Variants in KIFC3 observed in about 807,000 individuals in gnomAD.
KIFC3 encodes the protein kinesin-like protein KIFC3.
A neutral mutation model predicts 101.8 loss-of-function variants in KIFC3; 60 were observed. That is an observed-to-expected ratio of 0.59 (90% confidence interval 0.48 to 0.73). The LOEUF is 0.73. Ranked by LOEUF, KIFC3 falls within the 30% of genes least tolerant of loss-of-function variation. The pLI, the probability that KIFC3 is intolerant of heterozygous loss-of-function variation, is 0.00. For missense variants in KIFC3, 966 were observed against 1,137.1 expected (o/e 0.85, Z 2.16); for synonymous variants, 476 against 482.7 (o/e 0.99, Z 0.18).
upstream of KIFC3, among the ~76,000 whole-genome samples, chr16:57,807,000 C>T (rs1400452850): frequency 2.0e-5 from 3 of 152,200 alleles, no homozygotes; most frequent in Non-Finnish European, 4.4e-5. Flanking sequence ...GGGCAATCAC[C>T]TGAGGTCAGC....
Position 57,795,004 on chromosome 16 carries a change from G to A in KIFC3, c.310C>T (p.Leu104=). The A allele has an allele frequency of 6.3e-7, 1 of 1,580,866 alleles. No individual in the cohort carries two copies. The highest frequency in any genetic ancestry group is 8.6e-7 in the Non-Finnish European group (1 of 1,169,154). Reference sequence around the variant, plus strand: ...TGGAAGGCCCCAGTGCTTACCTGCAGGGTCAGGTAGAGCCCGTGGGGGCTT... The same window carrying A: ...TGGAAGGCCCCAGTGCTTACCTGCAAGGTCAGGTAGAGCCCGTGGGGGCTT... ...PGSPHGLYLT[L]QVEHLKEKLI... The change falls in exon 3 of 20, where the codon CTG becomes TTG. Residue 104 remains leucine (L), a synonymous_variant. Transcript: ENST00000445690.
intron 1 of KIFC3, among the ~76,000 whole-genome samples, chr16:57,830,917 C>T (rs2055568391): frequency 6.6e-6 from 1 of 152,182 alleles, no homozygotes; most frequent in Non-Finnish European, 1.5e-5. Context: ...TGAGGTCAGC[C>T]TCTTTTTCCC....
At chr16:57,791,491 G>A (rs1304684604) in intron 3 of KIFC3, among the ~76,000 whole-genome samples, 1 of 152,196 alleles carries the variant, frequency 6.6e-6, no homozygotes, top group Non-Finnish European at 1.5e-5. Flanking sequence ...ACAGAGGCTA[G>A]GGAGGGGGTG....
chr16:57,783,188 C>T (rs190223628), intron 3 of KIFC3, among the ~76,000 whole-genome samples: 28 of 152,246 alleles, frequency 1.8e-4, no homozygotes, highest in Admixed American at 3.3e-4. Context: ...TCTTTAAAGT[C>T]ACAAAAGGTT....
rs1170592449 is a variant in KIFC3 at position 57,819,553 on chromosome 16, A to T, written c.109-21271T>A. ...ATTTGTATTTATTTTTTATTTTTTT[A>T]AATTTTATTTATTTATTTATTTATT... On this transcript the variant is annotated intron_variant, in intron 1 of 2. Coordinates refer to the KIFC3 transcript ENST00000563028. 1.1e-4 allele frequency among the ~76,000 whole-genome samples: 17 copies of T among 151,960 alleles called. No individual in the cohort carries two copies. In the East Asian group the frequency reaches 1.9e-3, roughly 17 times the overall value.
intron 1 of KIFC3, chr16:57,813,682 C>T: frequency 5.1e-6 from 5 of 985,300 alleles, no homozygotes; most frequent in Non-Finnish European, 6.0e-6. Context: ...ACCTGGCATC[C>T]TGCGTGTGTC....
intron 1 of KIFC3, among the ~76,000 whole-genome samples, chr16:57,847,203 G>GAAGC (rs2055938857): frequency 5.2e-5 from 2 of 38,394 alleles, no homozygotes; most frequent in African/African-American, 3.7e-4. Flanking sequence ...GGGAAGGAAG[G>GAAGC]AAGGAAGGAA....
rs1555597687 is a variant in KIFC3, at chr16:57,761,533, G to A, written c.1752C>T (p.Asp584=). 18 of 1,612,762 alleles carry A rather than the reference G, an allele frequency of 1.1e-5. No individual in the cohort carries two copies. The highest frequency in any genetic ancestry group is 1.7e-5 in the Admixed American group (1 of 59,978). The change falls in exon 14 of 20, where the codon GAC becomes GAT. Residue 584 remains aspartate (D), a synonymous_variant. Coordinates refer to ENST00000445690, the MANE Select transcript of KIFC3 (RefSeq NM_001130100.2). ...AAEIYNEVLR[D]LLGKEPQEKL... is the part of the protein sequence containing the mutation. ...TTTCCTGAGGCTCTTTCCCTAGCAGGTCCCTGGAGGGGCAGGTGAGACAGT... is the reference window on the plus strand; with the variant it reads ...TTTCCTGAGGCTCTTTCCCTAGCAGATCCCTGGAGGGGCAGGTGAGACAGT...
rs1555597436 is a variant in KIFC3 at position 57,761,402 on chromosome 16, C to T, written c.1872+11G>A. The stretch of plus-strand genomic sequence containing the variant: ...CAGTGTGGCTGTGGTCAGGGGCTCC[C>T]GCCTCCACACCTTGTTGATGTCGTC... On this transcript the variant is annotated intron_variant, in intron 14 of 19. Transcript: ENST00000445690. 3.7e-6 allele frequency: 6 copies of T among 1,613,758 alleles called. No homozygotes were observed. The highest frequency in any genetic ancestry group is 1.1e-5 in the South Asian group (1 of 91,070).
At chr16:57,764,319 G>A in intron 11 of KIFC3, 72 bp from the exon 12 acceptor site, 1 of 859,024 alleles carries the variant, frequency 1.2e-6, no homozygotes. Flanking sequence ...TACAAGTCCA[G>A]CCACCTCCCC....
At chr16:57,832,350 TA>T (rs1567328932) in intron 1 of KIFC3, among the ~76,000 whole-genome samples, 1 of 135,598 alleles carries the variant, frequency 7.4e-6, no homozygotes, top group African/African-American at 3.0e-5. Flanking sequence ...TTTTTTTTTT[TA>T]GACAAAGTCT....
At position 57,795,157 on chromosome 16, in the gene KIFC3, G is replaced by C. The variant is rs2054188366; in HGVS notation, c.173-16C>G. ...TTTCCACGCCCTGTCCCAGGACAGA[G>C]AGATAGGTGAGACACTCCGACCACT... On this transcript the variant is annotated splice_polypyrimidine_tract_variant and intron_variant, in intron 2 of 19. Transcript: ENST00000445690. The C allele has an allele frequency of 2.5e-6, 4 of 1,604,740 alleles. No homozygotes were observed. Among genetic ancestry groups the C allele is most frequent in the Admixed American group, 3.4e-5 (2 of 58,428 alleles).
At chr16:57,828,360 G>T (rs549322487) in intron 1 of KIFC3, among the ~76,000 whole-genome samples, 7 of 152,258 alleles carry the variant, frequency 4.6e-5, no homozygotes, top group Non-Finnish European at 8.8e-5. Context: ...AGGCTGTGCC[G>T]CCATTGAAAC....
At chr16:57,816,484 G>A (rs781998699) in intron 1 of KIFC3, 6 of 457,314 alleles carry the variant, frequency 1.3e-5, no homozygotes, top group African/African-American at 2.0e-5. Flanking sequence ...AGTGACTCAC[G>A]GGCCCTGCTG....
rs138073179 is a variant in KIFC3, at chr16:57,833,607, G to A, written c.108+29122C>T. On this transcript the variant is annotated intron_variant, in intron 1 of 2. Coordinates refer to the KIFC3 transcript ENST00000563028. ...CACAGACTCCCAGGACCCAGAGATC[G>A]GGACTCCCATGGTGTCAGTATCAGA... Among the ~76,000 whole-genome samples, 397 of 152,244 alleles carry A rather than the reference G, an allele frequency of 2.6e-3. 4 individuals are homozygous for A. The highest frequency in any genetic ancestry group is 9.3e-3 in the African/African-American group (388 of 41,560).
intron 2 of KIFC3, among the ~76,000 whole-genome samples, 178 bp from the exon 3 acceptor site, chr16:57,795,319 T>TA: frequency 6.6e-6 from 1 of 152,344 alleles, no homozygotes; most frequent in East Asian, 1.9e-4. Context: ...GGGGAAGGCC[T>TA]GGCTCGGGGC....
chr16:57,812,199 C>T (rs1005713264), intron 1 of KIFC3, among the ~76,000 whole-genome samples: 2 of 151,740 alleles, frequency 1.3e-5, no homozygotes, highest in African/African-American at 4.8e-5. Context: ...CCCGCCACCT[C>T]GCCCGGCTAA....
upstream of KIFC3, chr16:57,802,916 A>G (rs1450253410): frequency 6.2e-6 from 9 of 1,456,530 alleles, no homozygotes; most frequent in Middle Eastern, 1.7e-4. This position sits in a 1 kb window ranked among gnomAD's most constrained non-coding sequence, Gnocchi z 5.0. Flanking sequence ...CTCTCATACC[A>G]GTACGTGTCT....
At position 57,802,418 on chromosome 16, in the gene KIFC3, G is replaced by C; in HGVS notation, c.-88C>G. 2 of 982,708 alleles carry C rather than the reference G, an allele frequency of 2.0e-6. No homozygotes were observed. Among genetic ancestry groups the C allele is most frequent in the Non-Finnish European group, 2.4e-6 (2 of 828,774 alleles). The allele number at this position is 982,708 out of a possible 1,614,324, so 60.9% of individuals were successfully genotyped here. ...GGCGTCGCCGCAGCGCCCGGGGCTC[G>C]GCCCGGCCCGGCCCGCCGGCAGGAG... On this transcript the variant is annotated 5_prime_UTR_variant, in exon 1 of 20. Transcript: ENST00000445690. This position sits in a 1 kb window ranked among gnomAD's most constrained non-coding sequence, Gnocchi z 5.0.
Sources: gnomAD v4.1 joint callset for allele counts (sites outside exome capture counted in the v4.1 genomes callset) on GRCh38, gnomAD v4.1.1 for gene constraint, Gnocchi (gnomAD v3.1) non-coding constraint, MANE v1.5 for transcripts, NCBI Gene and HGNC (gene_info 2026-07-23, HGNC 2026-07-21) for gene names.